Variants in P2RX5 observed in about 807,000 individuals in gnomAD.
The protein encoded by P2RX5 is P2X purinoceptor 5.
A neutral mutation model predicts 54.1 loss-of-function variants in P2RX5; 46 were observed. The ratio of observed to expected loss-of-function variants is 0.85; its 90% CI spans 0.67 to 1.09. P2RX5 has a LOEUF of 1.09. Among genes scored for constraint, P2RX5 ranks in the 50% least tolerant of loss-of-function variants. The pLI is 0.00. For synonymous variants in P2RX5, 226 were observed against 226.4 expected (o/e 1.00, Z 0.02); for missense variants, 566 against 549.8 (o/e 1.03, Z -0.29).
intron 1 of P2RX5, among the ~76,000 whole-genome samples, chr17:3,694,809 A>T (rs930082505): frequency 3.9e-5 from 6 of 152,246 alleles, no homozygotes; most frequent in Admixed American, 1.3e-4. Flanking sequence ...CAGCGACATC[A>T]GGCAAATGAT....
chr17:3,688,934 C>T (rs368221766), intron 7 of P2RX5, among the ~76,000 whole-genome samples, 175 bp from the exon 8 acceptor site: 44 of 152,204 alleles, frequency 2.9e-4, no homozygotes, highest in Non-Finnish European at 2.4e-4. Context: ...GAGAACACTG[C>T]GTCGTCCCTG....
At chr17:3,716,645 G>C in the P2RX5 span, 1 of 1,201,156 alleles carries the variant, frequency 8.3e-7, no homozygotes, top group South Asian at 1.2e-5. Context: ...CCCAAAACTA[G>C]AGCCCAGTCT....
At chr17:3,721,684 T>A in the P2RX5 span, 1 of 152,204 alleles carries the variant, frequency 6.6e-6, no homozygotes, top group Non-Finnish European at 1.5e-5. Flanking sequence ...CTGTAAAACA[T>A]TAAACTTGAT....
At position 3,673,319 on chromosome 17, in the gene P2RX5, C is replaced by T; in HGVS notation, c.*549G>A. ...GGTCCCAGAAAGCGTCTGCCATCTCCCCCACTTTAATTCTGTGTACTGGCC... is the reference window on the plus strand; with the variant it reads ...GGTCCCAGAAAGCGTCTGCCATCTCTCCCACTTTAATTCTGTGTACTGGCC... On this transcript the variant is annotated 3_prime_UTR_variant, in exon 12 of 12. Transcript: ENST00000225328. 1.0e-6 allele frequency: 1 copy of T among 992,920 alleles called. No homozygotes were observed. Among genetic ancestry groups the T allele is most frequent in the Non-Finnish European group, 1.2e-6 (1 of 833,668 alleles). 61.5% of individuals were successfully genotyped at this position (992,920 alleles called of 1,614,324 possible). A position where few individuals can be genotyped will look rare whatever the true frequency, so the allele number is the denominator to read the frequency against.
intron 11 of P2RX5, chr17:3,676,222 A>G (rs1203551927): frequency 1.0e-6 from 1 of 985,424 alleles, no homozygotes; most frequent in Non-Finnish European, 1.2e-6. Context: ...GGGGTAGGAG[A>G]AGAGAGCTAG....
chr17:3,713,469 T>C, the P2RX5 span, among the ~76,000 whole-genome samples: 6 of 151,996 alleles, frequency 3.9e-5, no homozygotes, highest in Non-Finnish European at 5.9e-5. Context: ...ATCTCAGCAT[T>C]GCCAGGCGCG....
chr17:3,680,186 T>A (rs377731859), intron 10 of P2RX5, among the ~76,000 whole-genome samples: 7,373 of 68,968 alleles, frequency 0.11, 189 homozygotes, highest in East Asian at 0.21. Context: ...TCCTCCACCC[T>A]GCGTCCTCCA....
At chr17:3,694,460 C>T (rs914806682) in intron 1 of P2RX5, among the ~76,000 whole-genome samples, 4 of 152,148 alleles carry the variant, frequency 2.6e-5, no homozygotes, top group Non-Finnish European at 5.9e-5. Context: ...CCCACCTCGG[C>T]TTCCCAAAGG....
upstream of P2RX5, among the ~76,000 whole-genome samples, chr17:3,696,746 A>G (rs1409863055): frequency 6.6e-6 from 1 of 152,170 alleles, no homozygotes; most frequent in Admixed American, 6.5e-5. Context: ...GGCCGGGAAG[A>G]GCTCCGTTTA....
chr17:3,699,095 C>CACACACACACACACATATATA (rs60173844), upstream of P2RX5, among the ~76,000 whole-genome samples: 1 of 100,192 alleles, frequency 1.0e-5, no homozygotes, highest in African/African-American at 4.3e-5. Flanking sequence ...ACACACACAC[C>CACACACACACACACATATATA]TATATATATA....
chr17:3,681,692 T>G (rs1179832305), intron 10 of P2RX5, among the ~76,000 whole-genome samples: 1 of 152,194 alleles, frequency 6.6e-6, no homozygotes, highest in Non-Finnish European at 1.5e-5. Flanking sequence ...TCCCGCCCTG[T>G]GGCCCACAGC....
At chr17:3,722,653 T>G in the P2RX5 span, among the ~76,000 whole-genome samples, 4 of 152,028 alleles carry the variant, frequency 2.6e-5, no homozygotes, top group African/African-American at 7.2e-5. Flanking sequence ...ATAACCCGAT[T>G]ATAAAAGGGG....
chr17:3,723,686 AC>A, the P2RX5 span: 2 of 1,594,296 alleles, frequency 1.3e-6, no homozygotes. Flanking sequence ...GGCCGCGCTT[AC>A]CTGAACCGAA....
At chr17:3,683,339 A>G (rs1293420760) in intron 9 of P2RX5, among the ~76,000 whole-genome samples, 1 of 152,106 alleles carries the variant, frequency 6.6e-6, no homozygotes, top group Non-Finnish European at 1.5e-5. Context: ...CCAGAGACCA[A>G]CCCCAAACCT....
chr17:3,677,992 A>G (rs1011867843), intron 11 of P2RX5: 10 of 985,286 alleles, frequency 1.0e-5, no homozygotes, highest in Non-Finnish European at 1.1e-5. Flanking sequence ...TCATGCAGGC[A>G]CAGACTCCTC....
chr17:3,681,776 G>C, intron 10 of P2RX5, 120 bp downstream of exon 10: 1 of 744,604 alleles, frequency 1.3e-6, no homozygotes, highest in East Asian at 2.6e-5. Context: ...TCTCCTCCCC[G>C]GGCCCTCCAG....
Position 3,689,844 on chromosome 17 carries a change from A to G in P2RX5, c.615-214T>C, listed in dbSNP as rs566370440. ...ACATGCAGACATCACACACACACGC[A>G]CACACGCGTGCACGCACGCACACAC... On this transcript the variant is annotated intron_variant, in intron 6 of 11. Transcript: ENST00000225328. Among the ~76,000 whole-genome samples the G allele has an allele frequency of 3.6e-4, 55 of 152,288 alleles. No homozygotes were observed. In the East Asian group the frequency reaches 0.011, roughly 29 times the overall value.
intron 2 of P2RX5, 67 bp from the exon 3 acceptor site, chr17:3,691,094 G>A (rs758622979): frequency 6.8e-5 from 82 of 1,204,496 alleles, no homozygotes; most frequent in Admixed American, 9.3e-5. Context: ...CCTTTCCAGC[G>A]TTACCTGAAA....
At chr17:3,682,272 C>T in intron 9 of P2RX5, 1 of 437,076 alleles carries the variant, frequency 2.3e-6, no homozygotes, top group Non-Finnish European at 4.3e-6. Context: ...GCTGGGCACC[C>T]AGCACGTGCC....
Sources: allele counts gnomAD v4.1 joint callset (sites outside exome capture counted in the v4.1 genomes callset), GRCh38; gene constraint gnomAD v4.1.1; transcripts MANE v1.5; gene names NCBI Gene and HGNC (gene_info 2026-07-23, HGNC 2026-07-21).